Variants in PCDH15 observed in about 807,000 individuals in gnomAD.
PCDH15 encodes the protein protocadherin related 15.
In PCDH15, 129 loss-of-function variants were observed where a neutral mutation model predicts 178.5. The ratio of observed to expected loss-of-function variants is 0.72; its 90% CI spans 0.63 to 0.84. PCDH15 has a LOEUF of 0.84. Among genes scored for constraint, PCDH15 ranks in the 40% least tolerant of loss-of-function variants. PCDH15 has a pLI of 0.00. For missense variants in PCDH15, 2,230 were observed against 2,099.9 expected (o/e 1.06, Z -1.21); for synonymous variants, 800 against 732.0 (o/e 1.09, Z -1.50).
chr10:55,422,741 A>G (rs1838653649), intron 2 of PCDH15, among the ~76,000 whole-genome samples: 2 of 151,882 alleles, frequency 1.3e-5, no homozygotes, highest in Admixed American at 1.3e-4. Flanking sequence ...CGGCATGGGA[A>G]GAAGAAGGCA....
chr10:54,395,653 T>G (rs746654538), intron 3 of PCDH15, among the ~76,000 whole-genome samples: 7 of 150,448 alleles, frequency 4.7e-5, no homozygotes, highest in Non-Finnish European at 8.9e-5. Context: ...CACACAAACA[T>G]GCACACACAC....
chr10:55,408,731 C>T (rs923461493), intron 2 of PCDH15, among the ~76,000 whole-genome samples: 2 of 151,892 alleles, frequency 1.3e-5, no homozygotes, highest in African/African-American at 2.4e-5. Context: ...GATTAACATA[C>T]TGGAAATCAC....
chr10:55,199,346 T>C (rs1840178112), intron 1 of PCDH15, among the ~76,000 whole-genome samples: 1 of 152,122 alleles, frequency 6.6e-6, no homozygotes, highest in Non-Finnish European at 1.5e-5. Context: ...TGCAGAACTT[T>C]GAACTTAAGA....
intron 20 of PCDH15, among the ~76,000 whole-genome samples, chr10:54,003,310 G>A (rs1282318046): frequency 6.6e-6 from 1 of 151,890 alleles, no homozygotes; most frequent in Non-Finnish European, 1.5e-5. Context: ...AAAGATCAAT[G>A]AAACAGAAAG....
chr10:54,190,291 G>A (rs546350582), intron 11 of PCDH15, among the ~76,000 whole-genome samples: 127 of 152,240 alleles, frequency 8.3e-4, no homozygotes, highest in Non-Finnish European at 1.2e-3. Context: ...TTATGCTTGA[G>A]GCTTAATCTC....
At chr10:54,730,098 C>A (rs911640987) in intron 1 of PCDH15, among the ~76,000 whole-genome samples, 1 of 151,446 alleles carries the variant, frequency 6.6e-6, no homozygotes, top group African/African-American at 2.4e-5. Flanking sequence ...CACATGCATG[C>A]ATATGTTCAC....
At chr10:54,302,985 C>T (rs1318812816) in intron 8 of PCDH15, among the ~76,000 whole-genome samples, 1 of 152,108 alleles carries the variant, frequency 6.6e-6, no homozygotes, top group African/African-American at 2.4e-5. Flanking sequence ...ATACACCTCC[C>T]CACTTCCTTT....
chr10:54,489,139 C>T (rs1436845029), intron 3 of PCDH15, among the ~76,000 whole-genome samples: 1 of 151,892 alleles, frequency 6.6e-6, no homozygotes, highest in Non-Finnish European at 1.5e-5. Flanking sequence ...AGCTAAGATA[C>T]CATTAAATTG....
chr10:54,890,849 A>G (rs1954448192), intron 3 of PCDH15, among the ~76,000 whole-genome samples: 1 of 152,090 alleles, frequency 6.6e-6, no homozygotes, highest in Non-Finnish European at 1.5e-5. Flanking sequence ...CAACTCATCT[A>G]GACCTAAAGT....
chr10:55,189,566 T>A (rs1025620833), intron 1 of PCDH15, among the ~76,000 whole-genome samples: 1 of 151,856 alleles, frequency 6.6e-6, no homozygotes, highest in East Asian at 1.9e-4. Context: ...CTTGATTTTG[T>A]TTTGAGGTGA....
chr10:54,640,773 T>G lies in PCDH15; in HGVS notation c.91+23399A>C, dbSNP rs184147752. On this transcript the variant is annotated intron_variant, in intron 2 of 37. Coordinates refer to ENST00000644397, the MANE Select transcript of PCDH15 (RefSeq NM_001384140.1). Reference sequence around the variant, plus strand: ...AAAAAAATGCCAGTTGTGCACTTCTTCACGATGCCTTTTTAAGAGTCTTAG... The same window carrying G: ...AAAAAAATGCCAGTTGTGCACTTCTGCACGATGCCTTTTTAAGAGTCTTAG... 7.9e-5 allele frequency among the ~76,000 whole-genome samples: 12 copies of G among 152,228 alleles called. No individual in the cohort carries two copies. In the East Asian group the frequency reaches 2.3e-3, roughly 29 times the overall value.
chr10:54,124,996 A>G (rs1485271189), intron 15 of PCDH15, among the ~76,000 whole-genome samples: 1 of 152,210 alleles, frequency 6.6e-6, no homozygotes, highest in Non-Finnish European at 1.5e-5. Context: ...GCTAAAAATA[A>G]TAATTCCTTG....
rs1397812911 is a variant in PCDH15 at position 54,184,220 on chromosome 10, T to G, written c.1441-627A>C. Among the ~76,000 whole-genome samples the G allele has an allele frequency of 3.3e-5, 5 of 152,202 alleles. No homozygotes were observed. In the East Asian group the frequency reaches 7.7e-4, roughly 23 times the overall value. ...CCACCATCTTTGTCTAAATCCACTT[T>G]GTATCTAACTTTTAACAATCACATA... On this transcript the variant is annotated intron_variant, in intron 12 of 37. Coordinates refer to ENST00000644397, the MANE Select transcript of PCDH15 (RefSeq NM_001384140.1).
At chr10:54,090,834 A>C (rs916101963) in intron 15 of PCDH15, among the ~76,000 whole-genome samples, 1 of 152,114 alleles carries the variant, frequency 6.6e-6, no homozygotes, top group Admixed American at 6.6e-5. Flanking sequence ...GTCCTATGTG[A>C]TTATTTCTGT....
chr10:54,809,310 A>G (rs1055518343), intron 3 of PCDH15, among the ~76,000 whole-genome samples: 1 of 152,136 alleles, frequency 6.6e-6, no homozygotes, highest in African/African-American at 2.4e-5. Flanking sequence ...ATAAAACTCA[A>G]TCTATTAGGA....
intron 21 of PCDH15, among the ~76,000 whole-genome samples, chr10:53,969,626 C>T (rs1391044065): frequency 1.3e-5 from 2 of 152,106 alleles, no homozygotes; most frequent in Non-Finnish European, 2.9e-5. Context: ...TGGTTACCCA[C>T]AAAGGGAAGC....
At chr10:54,701,479 T>C (rs1432143299) in intron 1 of PCDH15, among the ~76,000 whole-genome samples, 2 of 152,048 alleles carry the variant, frequency 1.3e-5, no homozygotes, top group Non-Finnish European at 2.9e-5. Context: ...GTAAATGAGC[T>C]AAATAACCTA....
At chr10:55,206,489 C>T (rs1354539184) in intron 1 of PCDH15, among the ~76,000 whole-genome samples, 3 of 152,072 alleles carry the variant, frequency 2.0e-5, no homozygotes, top group Non-Finnish European at 4.4e-5. Flanking sequence ...CTCAGCTTGT[C>T]TTTAGTTAGT....
chr10:53,889,569 A>G (rs2081412560), intron 26 of PCDH15, among the ~76,000 whole-genome samples: 1 of 152,166 alleles, frequency 6.6e-6, no homozygotes, highest in Non-Finnish European at 1.5e-5. Flanking sequence ...CAAATTGTGA[A>G]GCAACTGAAG....
Sources: gnomAD v4.1 joint callset for allele counts (sites outside exome capture counted in the v4.1 genomes callset) on GRCh38, gnomAD v4.1.1 for gene constraint, MANE v1.5 for transcripts, NCBI Gene and HGNC (gene_info 2026-07-23, HGNC 2026-07-21) for gene names.